The following ATP13A4 variants were observed in gnomAD, a reference collection of about 807,000 sequenced individuals.
ATP13A4 encodes ATPase 13A4, also known as probable cation-transporting ATPase 13A4.
In ATP13A4, 114 loss-of-function variants were observed where a neutral mutation model predicts 142.5. The observed-to-expected ratio is 0.80, with a 90% CI of 0.69 to 0.93. The LOEUF (loss-of-function observed/expected upper bound fraction) is 0.93, where lower values mean the gene tolerates loss of function less well. Ranked by LOEUF, ATP13A4 falls within the 40% of genes least tolerant of loss-of-function variation. The probability of loss-of-function intolerance (pLI) is 0.00; values close to 1 mark genes in which losing one functional copy is unlikely to be tolerated. For missense variants in ATP13A4, 1,392 were observed against 1,454.0 expected, an observed-to-expected ratio of 0.96 and a Z score of 0.69; for synonymous variants, 488 against 514.8, an observed-to-expected ratio of 0.95 and a Z score of 0.70.
At chr3:193,589,331 T>G (rs1724722870) in intron 1 of ATP13A4, among the ~76,000 whole-genome samples, 1 of 152,158 alleles carries the variant, frequency 6.6e-6, no homozygotes, top group Non-Finnish European at 1.5e-5. Context: ...ATGATGATGG[T>G]GCAAACATGT....
At chr3:193,458,938 C>A in intron 14 of ATP13A4, 143 bp downstream of exon 14, 1 of 1,077,754 alleles carries the variant, frequency 9.3e-7, no homozygotes, top group East Asian at 2.4e-5. Flanking sequence ...AGGAAACCAG[C>A]CTTAGATTGG....
Position 193,414,563 on chromosome 3 carries a change from G to A in ATP13A4, c.3014+16C>T. On this transcript the variant is annotated intron_variant, in intron 26 of 29. Coordinates refer to ENST00000342695, the MANE Select transcript of ATP13A4 (RefSeq NM_032279.4). ...AATTAGAATGTGAGAAGCAGAAGCTGAGACTATACTCATACCTGTGTATCT... is the reference window on the plus strand; with the variant it reads ...AATTAGAATGTGAGAAGCAGAAGCTAAGACTATACTCATACCTGTGTATCT... The A allele has an allele frequency of 6.2e-7, 1 of 1,612,820 alleles. No homozygotes were observed. The highest frequency in any genetic ancestry group is 1.7e-5 in the Admixed American group (1 of 59,934).
chr3:193,491,851 T>C (rs571434649), intron 5 of ATP13A4, among the ~76,000 whole-genome samples: 80 of 152,324 alleles, frequency 5.3e-4, no homozygotes, highest in Non-Finnish European at 1.0e-3. Flanking sequence ...CTTCAGAATG[T>C]ATTTTAATGT....
Position 193,554,835 on chromosome 3 carries a change from C to A in ATP13A4, c.-36G>T, listed in dbSNP as rs371104610. Reference sequence around the variant, plus strand: ...TTCCACACCTCCTCCCTGACCTTGTCGTGCAGACGCTTCCAGGATGAACTC... The same window carrying A: ...TTCCACACCTCCTCCCTGACCTTGTAGTGCAGACGCTTCCAGGATGAACTC... On this transcript the variant is annotated 5_prime_UTR_variant, in exon 1 of 30. Transcript: ENST00000342695. 6.2e-7 allele frequency: 1 copy of A among 1,613,818 alleles called. No homozygotes were observed. Among genetic ancestry groups the A allele is most frequent in the Non-Finnish European group, 8.5e-7 (1 of 1,179,996 alleles).
At chr3:193,540,074 T>C (rs965384467) in intron 1 of ATP13A4, among the ~76,000 whole-genome samples, 4 of 152,112 alleles carry the variant, frequency 2.6e-5, no homozygotes, top group African/African-American at 9.7e-5. Context: ...CCACAGAAGA[T>C]AGAATTCGAC....
chr3:193,591,448 C>T (rs1431598720), intron 1 of ATP13A4, among the ~76,000 whole-genome samples: 1 of 152,198 alleles, frequency 6.6e-6, no homozygotes, highest in East Asian at 1.9e-4. Flanking sequence ...AACAGTTTGC[C>T]CTTTTTTCAT....
At chr3:193,499,486 C>T (rs1720419436) in intron 3 of ATP13A4, among the ~76,000 whole-genome samples, 1 of 152,240 alleles carries the variant, frequency 6.6e-6, no homozygotes, top group Admixed American at 6.5e-5. Flanking sequence ...TCTTTTCCAT[C>T]ATCCTGTGGT....
chr3:193,539,961 CT>C (rs1409259856), intron 1 of ATP13A4, among the ~76,000 whole-genome samples: 1 of 151,946 alleles, frequency 6.6e-6, no homozygotes, highest in African/African-American at 2.4e-5. Flanking sequence ...GCACTGAGAC[CT>C]TGTATAATAG....
At chr3:193,565,804 G>T (rs532318441) in intron 2 of ATP13A4, among the ~76,000 whole-genome samples, 1 of 152,184 alleles carries the variant, frequency 6.6e-6, no homozygotes, top group Non-Finnish European at 1.5e-5. Flanking sequence ...AAAACAGGTC[G>T]TGAGAAACAT....
chr3:193,440,388 AGATCCCTTG>A lies in ATP13A4; in HGVS notation c.2519+161_2519+169del, dbSNP rs1716558124. 5 of 1,256,736 alleles carry A rather than the reference AGATCCCTTG, an allele frequency of 4.0e-6. No individual in the cohort carries two copies. The African/African-American group carries it at 6.0e-5, about 15-fold the overall frequency. 77.8% of individuals were successfully genotyped at this position (1,256,736 alleles called of 1,614,324 possible). A position where few individuals can be genotyped will look rare whatever the true frequency, so the allele number is the denominator to read the frequency against. On this transcript the variant is annotated intron_variant, in intron 21 of 29. Coordinates refer to ENST00000342695, the MANE Select transcript of ATP13A4 (RefSeq NM_032279.4). ...ACTGAATCAGGATCTCTGAATGGTG[AGATCCCTTG>A]GTACTGCTATTTTCTCCAAAGCTCC...
chr3:193,499,744 C>G (rs1185070312), intron 3 of ATP13A4, among the ~76,000 whole-genome samples: 3 of 152,310 alleles, frequency 2.0e-5, no homozygotes, highest in Non-Finnish European at 2.9e-5. Flanking sequence ...TTTTAAAGGA[C>G]AAATTGTGGT....
intron 1 of ATP13A4, among the ~76,000 whole-genome samples, chr3:193,582,149 C>CTTTTTTTTTTT (rs61610633): frequency 8.0e-6 from 1 of 124,436 alleles, no homozygotes; most frequent in African/African-American, 2.9e-5. Flanking sequence ...CTTTTCTTTT[C>CTTTTTTTTTTT]TTTTTTTTTT....
rs927384866 is a variant in ATP13A4, at chr3:193,448,395, G to A, written c.2028-65C>T. The A allele has an allele frequency of 8.6e-5, 136 of 1,578,098 alleles. 1 individual carries two copies. Among genetic ancestry groups the A allele is most frequent in the Non-Finnish European group, 1.1e-4 (129 of 1,158,732 alleles). ...CATATTACAGCTTTTTTTTTGAGAC[G>A]GAGTCTCGCTCTGTCATCCAGGCTG... On this transcript the variant is annotated intron_variant, in intron 17 of 29. Transcript: ENST00000342695.
intron 2 of ATP13A4, among the ~76,000 whole-genome samples, chr3:193,504,505 C>A (rs1335572947): frequency 6.6e-6 from 1 of 152,090 alleles, no homozygotes. Flanking sequence ...GGAATTGTTA[C>A]AGTTAATTAT....
intron 28 of ATP13A4, 64 bp from the exon 29 acceptor site, chr3:193,407,457 T>C: frequency 7.9e-7 from 1 of 1,273,096 alleles, no homozygotes; most frequent in Admixed American, 1.7e-5. Flanking sequence ...CATGCTCACA[T>C]GTTCACAGCA....
chr3:193,501,557 C>T (rs553347347), intron 3 of ATP13A4, among the ~76,000 whole-genome samples: 1 of 150,316 alleles, frequency 6.7e-6, no homozygotes, highest in South Asian at 2.1e-4. Flanking sequence ...CATTGCACTC[C>T]ACCCTGGGCA....
intron 8 of ATP13A4, among the ~76,000 whole-genome samples, chr3:193,482,930 C>A (rs78517324): frequency 6.6e-6 from 1 of 152,286 alleles, no homozygotes; most frequent in East Asian, 1.9e-4. Flanking sequence ...TGTCTATACA[C>A]GGCTTGTATC....
chr3:193,420,587 A>G (rs1715356466), intron 25 of ATP13A4, among the ~76,000 whole-genome samples: 1 of 149,994 alleles, frequency 6.7e-6, no homozygotes, highest in Non-Finnish European at 1.5e-5. Context: ...TCAGTGAGAT[A>G]CAAGAGAATA....
chr3:193,570,835 T>C, intron 2 of ATP13A4, among the ~76,000 whole-genome samples: 1 of 152,194 alleles, frequency 6.6e-6, no homozygotes, highest in East Asian at 1.9e-4. Context: ...TAATAATATC[T>C]CCCATGAGGA....
Sources: gnomAD v4.1 joint callset for allele counts (sites outside exome capture counted in the v4.1 genomes callset) on GRCh38, gnomAD v4.1.1 for gene constraint, MANE v1.5 for transcripts, NCBI Gene and HGNC (gene_info 2026-07-23, HGNC 2026-07-21) for gene names.